The following SOX5 variants were observed in gnomAD, a reference collection of about 807,000 sequenced individuals.
The protein encoded by SOX5 is transcription factor SOX-5.
SOX5 carries 9 observed loss-of-function variants against 92.0 expected under a neutral mutation model. That is an observed-to-expected ratio of 0.10 (90% CI 0.06 to 0.17). The LOEUF is 0.17. Ranked by LOEUF, SOX5 falls within the 10% of genes least tolerant of loss-of-function variation. SOX5 has a pLI of 1.00. For synonymous variants in SOX5, 344 were observed against 336.3 expected, an observed-to-expected ratio of 1.02 and a Z score of -0.25; for missense variants, 642 against 944.5, an observed-to-expected ratio of 0.68 and a Z score of 4.20.
At chr12:23,650,480 C>A (rs998342400) in intron 7 of SOX5, among the ~76,000 whole-genome samples, 2 of 152,040 alleles carry the variant, frequency 1.3e-5, no homozygotes, top group African/African-American at 4.8e-5. Flanking sequence ...GTAGAGGAGG[C>A]CTTGTAGAAT....
chr12:24,254,542 A>G (rs114680736), intron 3 of SOX5, among the ~76,000 whole-genome samples: 5,264 of 151,974 alleles, frequency 0.035, 303 homozygotes, highest in African/African-American at 0.12. Context: ...AAAGTGCTGA[A>G]TATTTCATGT....
chr12:24,519,652 A>C (rs1406165123), intron 1 of SOX5, among the ~76,000 whole-genome samples: 1 of 152,234 alleles, frequency 6.6e-6, no homozygotes, highest in African/African-American at 2.4e-5. Flanking sequence ...AGGTATTAGG[A>C]TATAAGGTTC....
chr12:24,252,741 C>A (rs1452677641), intron 3 of SOX5, among the ~76,000 whole-genome samples: 2 of 151,596 alleles, frequency 1.3e-5, no homozygotes, highest in Admixed American at 6.6e-5. Context: ...CCAGCTCCTG[C>A]AGAGTGCCTG....
At chr12:23,624,153 A>T (rs549278402) in intron 8 of SOX5, among the ~76,000 whole-genome samples, 3 of 152,246 alleles carry the variant, frequency 2.0e-5, no homozygotes, top group African/African-American at 7.2e-5. Context: ...ATAGAGAGTG[A>T]AGGTAGAATG....
At chr12:24,421,752 G>A (rs1566122032) in intron 1 of SOX5, among the ~76,000 whole-genome samples, 1 of 152,118 alleles carries the variant, frequency 6.6e-6, no homozygotes, top group African/African-American at 2.4e-5. Context: ...ATTTTGCTTT[G>A]TTTACAAAGA....
chr12:23,874,504 G>A (rs534919260), intron 2 of SOX5, among the ~76,000 whole-genome samples: 1 of 152,152 alleles, frequency 6.6e-6, no homozygotes, highest in African/African-American at 2.4e-5. Flanking sequence ...AAGGAAAGGG[G>A]AGAGAAAATT....
At chr12:24,121,714 C>A (rs761490254) in intron 4 of SOX5, among the ~76,000 whole-genome samples, 1 of 149,816 alleles carries the variant, frequency 6.7e-6, no homozygotes. Flanking sequence ...TGGTGAAACC[C>A]CATCTCTACT....
At chr12:23,608,257 G>A (rs61923850) in intron 8 of SOX5, among the ~76,000 whole-genome samples, 32,872 of 151,712 alleles carry the variant, frequency 0.22, 4,370 homozygotes, top group Middle Eastern at 0.34. Flanking sequence ...GTTAGGGATT[G>A]GATGTGATCT....
intron 4 of SOX5, among the ~76,000 whole-genome samples, chr12:24,128,388 G>C (rs1949317595): frequency 6.6e-6 from 1 of 152,138 alleles, no homozygotes; most frequent in Non-Finnish European, 1.5e-5. Context: ...GTGGGGGAGA[G>C]AGGAAATAAA....
At chr12:24,237,131 T>C (rs759218815) in intron 3 of SOX5, among the ~76,000 whole-genome samples, 1 of 152,204 alleles carries the variant, frequency 6.6e-6, no homozygotes, top group Non-Finnish European at 1.5e-5. Context: ...GAATTTACCA[T>C]GTTAGTGGGT....
chr12:24,503,765 G>A (rs1008795997), intron 1 of SOX5, among the ~76,000 whole-genome samples: 10 of 152,170 alleles, frequency 6.6e-5, no homozygotes, highest in African/African-American at 2.4e-4. Flanking sequence ...ATAAGTGGGA[G>A]TTGAACAATG....
At chr12:23,883,870 G>C in intron 2 of SOX5, among the ~76,000 whole-genome samples, 1 of 152,082 alleles carries the variant, frequency 6.6e-6, no homozygotes, top group South Asian at 2.1e-4. Context: ...AACTGAATCT[G>C]TTATAAATAT....
chr12:23,885,838 G>C (rs1008477970), intron 2 of SOX5, among the ~76,000 whole-genome samples: 1 of 32,666 alleles, frequency 3.1e-5, no homozygotes, highest in Non-Finnish European at 5.4e-5. Context: ...TAAAATACAG[G>C]GGAAAAAAAA....
chr12:24,339,605 G>A (rs564446784), intron 2 of SOX5, among the ~76,000 whole-genome samples: 46 of 152,236 alleles, frequency 3.0e-4, no homozygotes, highest in African/African-American at 1.0e-3. Context: ...AAAGATCACT[G>A]GAGACAATGG....
intron 6 of SOX5, among the ~76,000 whole-genome samples, chr12:23,714,740 TA>T (rs113340587): frequency 7.2e-5 from 11 of 152,000 alleles, no homozygotes; most frequent in Non-Finnish European, 1.3e-4. Context: ...AAAGCCAATG[TA>T]AAAAAAAGTA....
Position 24,376,689 on chromosome 12 carries a change from C to CTTTTTTTT in SOX5, c.-250-8051_-250-8050insAAAAAAAA, listed in dbSNP as rs1480014070. On this transcript the variant is annotated intron_variant, in intron 1 of 4. Coordinates refer to the SOX5 transcript ENST00000446891. ...TCAGAATGATGCTATGGGAGAGATACCTTTTTTTTTTTTTTTTTTTTTTTT... is the reference window on the plus strand; with the variant it reads ...TCAGAATGATGCTATGGGAGAGATACTTTTTTTTCTTTTTTTTTTTTTTTTTTTTTTTT... Among the ~76,000 whole-genome samples the CTTTTTTTT allele has an allele frequency of 2.6e-4, 24 of 93,102 alleles. 2 individuals are homozygous for CTTTTTTTT. Among genetic ancestry groups the CTTTTTTTT allele is most frequent in the Admixed American group, 5.3e-4 (4 of 7,558 alleles). The allele number at this position is 93,102 out of a possible 152,430, so 61.1% of individuals were successfully genotyped here. A position where few individuals can be genotyped will look rare whatever the true frequency, so the allele number is the denominator to read the frequency against.
At chr12:24,314,825 T>C (rs549992951) in intron 2 of SOX5, among the ~76,000 whole-genome samples, 2 of 152,358 alleles carry the variant, frequency 1.3e-5, no homozygotes, top group African/African-American at 4.8e-5. Flanking sequence ...AAGGCAGGGA[T>C]GTCTCTTTGC....
intron 10 of SOX5, among the ~76,000 whole-genome samples, chr12:23,574,364 CAT>C (rs1354110565): frequency 3.3e-5 from 5 of 152,272 alleles, no homozygotes; most frequent in Admixed American, 6.5e-5. Context: ...AAATTCAACA[CAT>C]ATTACATTTT....
At chr12:23,891,101 T>C (rs2097126039) in intron 2 of SOX5, among the ~76,000 whole-genome samples, 1 of 152,228 alleles carries the variant, frequency 6.6e-6, no homozygotes, top group Non-Finnish European at 1.5e-5. Context: ...TGTGAATATA[T>C]GTATATGTAT....
Sources: gnomAD v4.1 joint callset for allele counts (sites outside exome capture counted in the v4.1 genomes callset) on GRCh38, gnomAD v4.1.1 for gene constraint, MANE v1.5 for transcripts, NCBI Gene and HGNC (gene_info 2026-07-23, HGNC 2026-07-21) for gene names.